ARHGEF17: variants seen among roughly 807,000 people sequenced by gnomAD.
ARHGEF17 encodes Rho guanine nucleotide exchange factor 17, also known as 164 kDa Rho-specific guanine-nucleotide exchange factor.
ARHGEF17 carries 80 observed loss-of-function variants against 174.0 expected under a neutral mutation model. The ratio of observed to expected loss-of-function variants is 0.46; its 90% confidence interval spans 0.38 to 0.55. ARHGEF17 has a LOEUF of 0.55. ARHGEF17 is among the 20% of genes least tolerant of loss of function. ARHGEF17 has a pLI of 0.00. For missense variants in ARHGEF17, 2,886 were observed against 2,839.7 expected (o/e 1.02, Z -0.37); for synonymous variants, 1,311 against 1,189.1 (o/e 1.10, Z -2.11).
chr11:73,356,561 C>A, intron 6 of ARHGEF17, 148 bp from the exon 7 acceptor site: 2 of 1,214,012 alleles, frequency 1.6e-6, no homozygotes, highest in Non-Finnish European at 1.2e-6. Context: ...GGTCCTGTGG[C>A]CTGGCAGCAC....
At chr11:73,362,769 G>C in intron 14 of ARHGEF17, 35 bp downstream of exon 14, 1 of 1,579,462 alleles carries the variant, frequency 6.3e-7, no homozygotes, top group Non-Finnish European at 8.6e-7. Flanking sequence ...CTTGGCCTTG[G>C]CAGGCAGGGT....
In ARHGEF17 at chr11:73,308,695, G is replaced by C. The variant is rs1228811759; in HGVS notation, c.57G>C (p.Leu19=). 8 of 1,518,056 alleles carry C rather than the reference G, an allele frequency of 5.3e-6. No homozygotes were observed. Among genetic ancestry groups the C allele is most frequent in the Non-Finnish European group, 7.0e-6 (8 of 1,136,386 alleles). The allele number at this position is 1,518,056 out of a possible 1,614,324, so 94.0% of individuals were successfully genotyped here. Residue 19 remains leucine, a synonymous_variant, in exon 1 of 21, where the codon CTG becomes CTC. Transcript: ENST00000263674. ...ACCGCAGCGTCTCGTTCAAGCTGCTGGAGCGCTGGAGCGGCGGCCCCGGGC... is the reference window on the plus strand; with the variant it reads ...ACCGCAGCGTCTCGTTCAAGCTGCTCGAGCGCTGGAGCGGCGGCCCCGGGC... ...QLYRSVSFKL[L]ERWSGGPGLR...
intron 7 of ARHGEF17, 26 bp from the exon 8 acceptor site, chr11:73,356,999 C>T (rs1472477627): frequency 1.2e-6 from 2 of 1,611,374 alleles, no homozygotes; most frequent in Admixed American, 1.7e-5. Context: ...GTCCACCCAG[C>T]CTGAATTCTG....
rs534895588 is a variant in ARHGEF17 at position 73,365,017 on chromosome 11, G to C, written c.5551-373G>C. ...AATTTCCCTCACTTATTCCATTGTT[G>C]GCTGGGCAGGAGTCCAAAGCCCTGG... On this transcript the variant is annotated intron_variant, in intron 18 of 20. Coordinates refer to ENST00000263674, the MANE Select transcript of ARHGEF17 (RefSeq NM_014786.4). The surrounding 1 kb of genome is among the most constrained non-coding windows in gnomAD (Gnocchi z 4.9). 28 of 308,198 alleles carry C rather than the reference G, an allele frequency of 9.1e-5. 1 individual carries two copies. In the East Asian group the frequency reaches 1.6e-3, roughly 18 times the overall value. 19.1% of individuals were successfully genotyped at this position (308,198 alleles called of 1,614,324 possible).
At position 73,310,711 on chromosome 11, in the gene ARHGEF17, G is replaced by T. The variant is rs1398364852; in HGVS notation, c.2073G>T (p.Gly691=). Residue 691 remains glycine, a synonymous_variant, in exon 1 of 21, where the codon GGG becomes GGT. Coordinates refer to ENST00000263674, the MANE Select transcript of ARHGEF17 (RefSeq NM_014786.4). ...CTGGGACTGAGGACAGTCTGGGCGGGTGGGCCCTGGTGTCGCCTGAGACCC... is the reference window on the plus strand; with the variant it reads ...CTGGGACTGAGGACAGTCTGGGCGGTTGGGCCCTGGTGTCGCCTGAGACCC... ...HGPGTEDSLG[G]WALVSPETPP... The T allele has an allele frequency of 1.9e-6, 3 of 1,612,964 alleles. No homozygotes were observed. Among genetic ancestry groups the T allele is most frequent in the African/African-American group, 2.7e-5 (2 of 74,890 alleles).
intron 10 of ARHGEF17, 66 bp downstream of exon 10, chr11:73,360,018 T>G: frequency 1.4e-6 from 2 of 1,405,698 alleles, no homozygotes; most frequent in Non-Finnish European, 1.9e-6. Context: ...GTCTGAGAGA[T>G]AGACAGCCCT....
chr11:73,310,211 C>A lies in ARHGEF17; in HGVS notation c.1573C>A (p.Pro525Thr), dbSNP rs536406441. Residue 525 changes from proline (P) to threonine (T), a missense_variant, in exon 1 of 21, where the codon CCA becomes ACA. Pro to Thr is a conservative substitution (Grantham distance 38). Around this residue, in one of 4 missense-constraint regions of ARHGEF17, gnomAD observed 1,728 missense variants for 1,461.2 expected, o/e 1.18. Transcript: ENST00000263674. ...GQLEPIPIPA[P>T]ASPGTRPTLK... Reference sequence around the variant, plus strand: ...ACTTGAACCCATACCCATCCCAGCCCCAGCATCACCTGGCACGCGCCCCAC... The same window carrying A: ...ACTTGAACCCATACCCATCCCAGCCACAGCATCACCTGGCACGCGCCCCAC... 1.9e-6 allele frequency: 3 copies of A among 1,613,916 alleles called. No homozygotes were observed. The African/African-American group carries it at 4.0e-5, about 22-fold the overall frequency.
chr11:73,367,547 C>T (rs373732228), intron 20 of ARHGEF17, 37 bp from the exon 21 acceptor site: 27 of 1,557,606 alleles, frequency 1.7e-5, no homozygotes, highest in Middle Eastern at 3.5e-4. Flanking sequence ...AGCCTCCATT[C>T]GCCCCCAAGC....
Position 73,310,653 on chromosome 11 carries a change from C to G in ARHGEF17, c.2015C>G (p.Ser672Cys). The change falls in exon 1 of 21, where the codon TCC becomes TGC. Residue 672 changes from serine (S) to cysteine (C), a missense_variant. This residue lies in a region of ARHGEF17 where 1,728 missense variants were observed against 1,461.2 expected (regional missense o/e 1.18). Transcript: ENST00000263674. ...LGTTGMWRPL[S>C]SSSAQTNHHG... ...ACCACAGGGATGTGGCGACCTCTTT[C>G]CTCATCCTCGGCCCAGACGAACCAC... 6 of 1,614,064 alleles carry G rather than the reference C, an allele frequency of 3.7e-6. No homozygotes were observed. Among genetic ancestry groups the G allele is most frequent in the Non-Finnish European group, 5.1e-6 (6 of 1,180,028 alleles).
intron 1 of ARHGEF17, among the ~76,000 whole-genome samples, chr11:73,345,364 G>A (rs1424398722): frequency 3.9e-5 from 6 of 152,082 alleles, no homozygotes; most frequent in Admixed American, 6.6e-5. Flanking sequence ...CCCAAGGGGT[G>A]TCCTTCACAC....
At chr11:73,345,522 G>C (rs1349809874) in intron 1 of ARHGEF17, among the ~76,000 whole-genome samples, 3 of 152,050 alleles carry the variant, frequency 2.0e-5, no homozygotes, top group Non-Finnish European at 1.5e-5. Context: ...GGGAGCAGTG[G>C]CTGGGTCAGG....
intron 1 of ARHGEF17, among the ~76,000 whole-genome samples, chr11:73,341,354 G>GACCTCAGCTCACCGCA (rs1482080849): frequency 7.9e-5 from 12 of 152,058 alleles, no homozygotes; most frequent in Admixed American, 6.6e-4. Context: ...GCAATGGTGC[G>GACCTCAGCTCACCGCA]ACCTCAGCTC....
chr11:73,350,378 G>C lies in ARHGEF17; in HGVS notation c.3271-2452G>C, dbSNP rs548444849. Among the ~76,000 whole-genome samples, 4 of 152,298 alleles carry C rather than the reference G, an allele frequency of 2.6e-5. No homozygotes were observed. In the South Asian group the frequency reaches 8.3e-4, roughly 32 times the overall value. Reference sequence around the variant, plus strand: ...TTGCAGATGATGCAGCTGAGACACAGAGAAGTAAAGCTGCTTGTCCAAGGT... The same window carrying C: ...TTGCAGATGATGCAGCTGAGACACACAGAAGTAAAGCTGCTTGTCCAAGGT... On this transcript the variant is annotated intron_variant, in intron 2 of 20. Transcript: ENST00000263674.
intron 1 of ARHGEF17, among the ~76,000 whole-genome samples, chr11:73,320,572 A>G (rs1028255742): frequency 2.1e-5 from 3 of 141,578 alleles, no homozygotes; most frequent in Non-Finnish European, 4.5e-5. Context: ...CAGTGAGCCG[A>G]GATTGCACTA....
At position 73,362,544 on chromosome 11, in the gene ARHGEF17, G is replaced by T; in HGVS notation, c.4806G>T (p.Pro1602=). ...AGGAAGCCGCGACGCTCGCGGAGCC[G>T]GGGCCGCAGCCCTGCCTTCACATCT... is the stretch of plus-strand genomic sequence containing the variant. ...ADEEAATLAE[P]GPQPCLHISI... is the part of the protein sequence containing the mutation. Residue 1602 remains proline, a synonymous_variant, in exon 14 of 21, where the codon CCG becomes CCT. Coordinates refer to ENST00000263674, the MANE Select transcript of ARHGEF17 (RefSeq NM_014786.4). 1 of 1,607,470 alleles carries T rather than the reference G, an allele frequency of 6.2e-7. No homozygotes were observed.
At chr11:73,342,892 A>G (rs1281537398) in intron 1 of ARHGEF17, 1 of 157,292 alleles carries the variant, frequency 6.4e-6, no homozygotes, top group Non-Finnish European at 1.4e-5. Context: ...CCTCCCCACA[A>G]CGGGGCCGCG....
chr11:73,363,244 A>G lies in ARHGEF17; in HGVS notation c.5035A>G (p.Thr1679Ala). ...TPSSKEATAETTSSEEEQEPG... is the reference protein window; with the variant it reads ...TPSSKEATAEATSSEEEQEPG... ...GAGTTCCAAGGAGGCCACGGCAGAG[A>G]CCACCAGCTCAGAGGAGGAGCAGGA... The change falls in exon 15 of 21, where the codon ACC becomes GCC. Residue 1679 changes from threonine (T) to alanine (A), a missense_variant. Thr to Ala is a moderately conservative substitution (Grantham distance 58). Transcript: ENST00000263674. 6.3e-7 allele frequency: 1 copy of G among 1,598,076 alleles called. No homozygotes were observed.
At position 73,363,391 on chromosome 11, in the gene ARHGEF17, G is replaced by A. The variant is rs375451165; in HGVS notation, c.5182G>A (p.Asp1728Asn). The A allele has an allele frequency of 1.2e-5, 20 of 1,613,180 alleles. No individual in the cohort carries two copies. The highest frequency in any genetic ancestry group is 1.7e-5 in the Non-Finnish European group (20 of 1,179,902). ...CTCCTTCACCCGGGGCAGCCTTGAG[G>A]ACCTGCTGAGTGTCGACCCTGAGGC... ...HGSFTRGSLE[D>N]LLSVDPEAYQ... Residue 1728 changes from aspartate (D) to asparagine (N), a missense_variant, in exon 15 of 21, where the codon GAC becomes AAC. Physicochemically the swap from Asp to Asn is conservative, Grantham distance 23 (BLOSUM62 1). Transcript: ENST00000263674.
In ARHGEF17 at chr11:73,363,213, G is replaced by A. The variant is rs1158729886; in HGVS notation, c.5004G>A (p.Glu1668=). ...GACCTTTGTCTCCCTCAGATGAGGA[G>A]ACCCCGAGTTCCAAGGAGGCCACGG... is the stretch of plus-strand genomic sequence containing the variant. ...STISSSFGNE[E]TPSSKEATAE... is the part of the protein sequence containing the mutation. Residue 1668 remains glutamate (E), a synonymous_variant, in exon 15 of 21, where the codon GAG becomes GAA. Coordinates refer to ENST00000263674, the MANE Select transcript of ARHGEF17 (RefSeq NM_014786.4). 1 of 1,563,514 alleles carries A rather than the reference G, an allele frequency of 6.4e-7. No individual in the cohort carries two copies. Among genetic ancestry groups the A allele is most frequent in the South Asian group, 1.2e-5 (1 of 85,438 alleles).
Sources: gnomAD v4.1 joint callset for allele counts (sites outside exome capture counted in the v4.1 genomes callset) on GRCh38, gnomAD v4.1.1 for gene constraint, gnomAD v4.1.1 regional missense constraint, Gnocchi (gnomAD v3.1) non-coding constraint, MANE v1.5 for transcripts, NCBI Gene and HGNC (gene_info 2026-07-23, HGNC 2026-07-21) for gene names.